Variants in WWC1 observed in about 807,000 individuals in gnomAD.
WWC1 encodes WW and C2 domain containing 1.
A neutral mutation model predicts 138.4 loss-of-function variants in WWC1; 55 were observed. The ratio of observed to expected loss-of-function variants is 0.40; its 90% CI spans 0.32 to 0.50. The LOEUF is 0.50. Among genes scored for constraint, WWC1 ranks in the 20% least tolerant of loss-of-function variants. The pLI is 0.72. For missense variants in WWC1, 1,226 were observed against 1,420.4 expected (o/e 0.86, Z 2.20); for synonymous variants, 524 against 564.9 (o/e 0.93, Z 1.03).
intron 1 of WWC1, among the ~76,000 whole-genome samples, chr5:168,300,041 C>T (rs899596900): frequency 3.3e-5 from 5 of 152,186 alleles, no homozygotes; most frequent in Non-Finnish European, 5.9e-5. Context: ...AGGGAAGCAC[C>T]TCCACTTGGA....
chr5:168,454,107 AG>A lies in WWC1; in HGVS notation c.2658+10del. On this transcript the variant is annotated splice_region_variant and intron_variant, in intron 18 of 22. Coordinates refer to ENST00000265293, the MANE Select transcript of WWC1 (RefSeq NM_015238.3). ...TGGGTACCCAGCATTAAAGGTAGGA[AG>A]GGCTGGGGGGATAGAAGGGCTGTCG... The A allele has an allele frequency of 6.2e-7, 1 of 1,611,008 alleles. No homozygotes were observed. Among genetic ancestry groups the A allele is most frequent in the Non-Finnish European group, 8.5e-7 (1 of 1,179,324 alleles).
chr5:168,353,650 C>T (rs375454478), intron 1 of WWC1, among the ~76,000 whole-genome samples: 36 of 152,360 alleles, frequency 2.4e-4, no homozygotes, highest in African/African-American at 7.0e-4. Flanking sequence ...CTCCATCACT[C>T]GCTGTGTGCC....
intron 17 of WWC1, among the ~76,000 whole-genome samples, chr5:168,453,417 C>T (rs1444089852): frequency 6.6e-6 from 1 of 152,074 alleles, no homozygotes; most frequent in African/African-American, 2.4e-5. Flanking sequence ...GGTGATTAAA[C>T]TGGGAAAAGG....
intron 10 of WWC1, among the ~76,000 whole-genome samples, chr5:168,422,795 T>C (rs1403124501): frequency 1.3e-5 from 2 of 152,198 alleles, no homozygotes; most frequent in African/African-American, 4.8e-5. Flanking sequence ...ATACTGCTTT[T>C]CAAATTACAC....
Position 168,385,235 on chromosome 5 carries a change from G to A in WWC1, c.254G>A (p.Arg85Gln), listed in dbSNP as rs780398674. Residue 85 changes from arginine to glutamine, a missense_variant, in exon 3 of 23, where the codon CGA (arginine) becomes CAA (glutamine). Around this residue, in one of 3 missense-constraint regions of WWC1, gnomAD observed 1,016 missense variants for 1,153.9 expected, o/e 0.88. Transcript: ENST00000265293. ...GAAACCACTCAGATTGAGGATCCTC[G>A]AGTACAATGGCGGCGGGAGCAGGAA... is the stretch of plus-strand genomic sequence containing the variant. ...NTKTTQIEDP[R>Q]VQWRREQEHM... The A allele has an allele frequency of 5.6e-6, 9 of 1,614,100 alleles. No individual in the cohort carries two copies. The highest frequency in any genetic ancestry group is 2.2e-5 in the South Asian group (2 of 91,070).
In WWC1 at chr5:168,428,624, T is replaced by G; in HGVS notation, c.1920-83T>G. 2.1e-6 allele frequency: 3 copies of G among 1,414,978 alleles called. No individual in the cohort carries two copies. The South Asian group carries it at 3.7e-5, about 17-fold the overall frequency. The allele number at this position is 1,414,978 out of a possible 1,614,324, so 87.7% of individuals were successfully genotyped here. ...GAAGCTGAGCAAACCCCAACTTTCC[T>G]TCCTGGGGATGTAACCTCAGCCTCC... On this transcript the variant is annotated intron_variant, in intron 12 of 22. Coordinates refer to ENST00000265293, the MANE Select transcript of WWC1 (RefSeq NM_015238.3).
intron 6 of WWC1, 45 bp from the exon 7 acceptor site, chr5:168,408,462 C>T (rs1486195545): frequency 6.2e-7 from 1 of 1,601,832 alleles, no homozygotes; most frequent in African/African-American, 1.3e-5. Context: ...CCCAGAGCTC[C>T]CTCCTGGGAA....
At chr5:168,336,910 G>A (rs1045334386) in intron 1 of WWC1, among the ~76,000 whole-genome samples, 23 of 152,262 alleles carry the variant, frequency 1.5e-4, no homozygotes, top group Middle Eastern at 6.8e-3. Context: ...TGGTGACGCC[G>A]ACTTCAGATC....
intron 17 of WWC1, among the ~76,000 whole-genome samples, chr5:168,445,873 C>T (rs1755212406): frequency 6.6e-6 from 1 of 152,124 alleles, no homozygotes; most frequent in African/African-American, 2.4e-5. Flanking sequence ...GCTGGATCAC[C>T]AGCCATCAGG....
intron 1 of WWC1, among the ~76,000 whole-genome samples, chr5:168,351,345 A>T (rs1397002612): frequency 6.6e-6 from 1 of 152,070 alleles, no homozygotes; most frequent in Admixed American, 6.6e-5. Flanking sequence ...TCCCTGAGAG[A>T]TCCAATGTTT....
intron 1 of WWC1, among the ~76,000 whole-genome samples, chr5:168,344,766 G>T (rs1416769702): frequency 6.6e-6 from 1 of 152,154 alleles, no homozygotes. Flanking sequence ...ATTTAGAAGA[G>T]AAATTACTTA....
At chr5:168,338,478 C>T (rs1221507782) in intron 1 of WWC1, among the ~76,000 whole-genome samples, 3 of 150,480 alleles carry the variant, frequency 2.0e-5, no homozygotes, top group Admixed American at 2.0e-4. Flanking sequence ...GAGGCGCCAT[C>T]TCAGCTCACT....
At chr5:168,446,330 T>C (rs1029245605) in intron 17 of WWC1, among the ~76,000 whole-genome samples, 12 of 143,628 alleles carry the variant, frequency 8.4e-5, no homozygotes, top group Non-Finnish European at 1.5e-4. Context: ...CCTGATGTAA[T>C]CAAAATGTCT....
chr5:168,304,999 A>G (rs973869286), intron 1 of WWC1, among the ~76,000 whole-genome samples: 20 of 151,782 alleles, frequency 1.3e-4, no homozygotes, highest in African/African-American at 4.1e-4. Flanking sequence ...CTAATTTTGT[A>G]TTTTTAGTAG....
At position 168,455,515 on chromosome 5, in the gene WWC1, T is replaced by C. The variant is rs1756234028; in HGVS notation, c.2818T>C (p.Cys940Arg). The change falls in exon 19 of 23, where the codon TGC becomes CGC. Residue 940 changes from cysteine to arginine, a missense_variant. Transcript: ENST00000265293. ...CCCAGGACCCCAGAGCCAGTACGTG[T>C]GCCGGGTAAGTGAGCGTGCGGCCCT... ...FSPGPQSQYVCRLNRSDSDSS... is the reference protein window; with the variant it reads ...FSPGPQSQYVRRLNRSDSDSS... The C allele has an allele frequency of 6.2e-7, 1 of 1,612,512 alleles. No homozygotes were observed.
chr5:168,320,100 T>A (rs1771938303), intron 1 of WWC1, among the ~76,000 whole-genome samples: 1 of 151,644 alleles, frequency 6.6e-6, no homozygotes, highest in South Asian at 2.1e-4. Flanking sequence ...ACTAGCACGA[T>A]CTCAGCTCAC....
intron 15 of WWC1, among the ~76,000 whole-genome samples, chr5:168,432,610 G>T (rs576704691): frequency 6.6e-6 from 1 of 152,298 alleles, no homozygotes; most frequent in African/African-American, 2.4e-5. Context: ...CCAAGTGTGG[G>T]CATTATACCT....
At chr5:168,328,948 A>C (rs986801783) in intron 1 of WWC1, among the ~76,000 whole-genome samples, 2 of 151,998 alleles carry the variant, frequency 1.3e-5, no homozygotes, top group African/African-American at 4.8e-5. Flanking sequence ...GCTGGCATCC[A>C]CCTGTCTGGG....
At chr5:168,365,262 G>T (rs1010359268) in intron 1 of WWC1, among the ~76,000 whole-genome samples, 1 of 152,172 alleles carries the variant, frequency 6.6e-6, no homozygotes, top group Non-Finnish European at 1.5e-5. Flanking sequence ...CTGGGCTGGG[G>T]AGGAGAGGTT....
Sources: allele counts gnomAD v4.1 joint callset (sites outside exome capture counted in the v4.1 genomes callset), GRCh38; gene constraint gnomAD v4.1.1; regional missense constraint gnomAD v4.1.1; transcripts MANE v1.5; gene names NCBI Gene and HGNC (gene_info 2026-07-23, HGNC 2026-07-21).